Variants in SOHLH1 observed in about 807,000 individuals in gnomAD.
The protein encoded by SOHLH1 is spermatogenesis- and oogenesis-specific basic helix-loop-helix-containing protein 1.
A neutral mutation model predicts 36.2 loss-of-function variants in SOHLH1; 23 were observed. The observed-to-expected ratio is 0.64, with a 90% confidence interval of 0.46 to 0.90. SOHLH1 has a LOEUF of 0.90. Among genes scored for constraint, SOHLH1 ranks in the 40% least tolerant of loss-of-function variants. The pLI, the probability that SOHLH1 is intolerant of heterozygous loss-of-function variation, is 0.00. For missense variants in SOHLH1, 608 were observed against 517.0 expected (o/e 1.18, Z -1.71); for synonymous variants, 289 against 228.3 (o/e 1.27, Z -2.40).
intron 6 of SOHLH1, 140 bp from the exon 7 acceptor site, chr9:135,694,597 C>G: frequency 7.9e-7 from 1 of 1,270,446 alleles, no homozygotes. Context: ...TCCACCCTGC[C>G]CAGCGGGGAG....
rs759658468 is a variant in SOHLH1, at chr9:135,694,464, G to A, written c.876-7C>T. On this transcript the variant is annotated splice_polypyrimidine_tract_variant and splice_region_variant and intron_variant, in intron 6 of 7. Coordinates refer to ENST00000425225, the MANE Select transcript of SOHLH1 (RefSeq NM_001101677.2). ...ATCAGACCCCAACGCAGACCTGGAA[G>A]CGACAAGCTCTTCCTCAGTGGCCAC... The A allele has an allele frequency of 6.2e-7, 1 of 1,612,348 alleles. No homozygotes were observed. Among genetic ancestry groups the A allele is most frequent in the Non-Finnish European group, 8.5e-7 (1 of 1,179,900 alleles).
At chr9:135,698,031 G>A (rs1299711182) in intron 3 of SOHLH1, among the ~76,000 whole-genome samples, 1 of 152,108 alleles carries the variant, frequency 6.6e-6, no homozygotes, top group African/African-American at 2.4e-5. Context: ...GGAGGATCAG[G>A]AGACCCCAAC....
At position 135,696,781 on chromosome 9, in the gene SOHLH1, C is replaced by T; in HGVS notation, c.492G>A (p.Leu164=). The T allele has an allele frequency of 2.5e-6, 4 of 1,613,064 alleles. No individual in the cohort carries two copies. In the South Asian group the frequency reaches 3.3e-5, roughly 13 times the overall value. The change falls in exon 5 of 8, where the codon CTG becomes CTA. Residue 164 remains leucine (L), a synonymous_variant. Coordinates refer to ENST00000425225, the MANE Select transcript of SOHLH1 (RefSeq NM_001101677.2). ...GTRTPDVKAF[L]ESPWSLDPAS... ...CTGGATCCAGGGACCAAGGACTTTC[C>T]AGAAACGCCTTCACATCTGGGGTTC...
chr9:135,701,714 G>A (rs1025588002), upstream of SOHLH1, among the ~76,000 whole-genome samples: 3 of 152,006 alleles, frequency 2.0e-5, no homozygotes, highest in Non-Finnish European at 2.9e-5. Context: ...CCTGCGGGGG[G>A]TGTGGGGGCG....
chr9:135,695,776 G>C (rs1834767579), intron 5 of SOHLH1, among the ~76,000 whole-genome samples: 1 of 152,144 alleles, frequency 6.6e-6, no homozygotes, highest in Admixed American at 6.5e-5. Context: ...GGGCCGAGGG[G>C]AGTTCGGTCA....
At position 135,699,168 on chromosome 9, in the gene SOHLH1, A is replaced by G. The variant is rs1170318618; in HGVS notation, c.66-42T>C. 4.5e-6 allele frequency: 7 copies of G among 1,559,228 alleles called. No homozygotes were observed. In the South Asian group the frequency reaches 8.1e-5, roughly 18 times the overall value. On this transcript the variant is annotated intron_variant, in intron 1 of 7. Transcript: ENST00000425225. ...GAGCACCGGGCCCTGAGAACCCCAG[A>G]AAAGGCCACCAGGAGTCCCAGATGC...
rs1162345149 is a variant in SOHLH1, at chr9:135,695,067, CA to C, written c.857del (p.Met286SerfsTer22). 1 of 1,596,964 alleles carries C rather than the reference CA, an allele frequency of 6.3e-7. No individual in the cohort carries two copies. The highest frequency in any genetic ancestry group is 1.7e-5 in the Admixed American group (1 of 58,702). The stretch of plus-strand genomic sequence containing the variant: ...GCACTCACCCGGCCTCCTGCGCCAG[CA>C]TGGGGTCCTCCTTGGCTGGCTCCCC... Reference protein sequence around the residue: ...PLGEPAKEDPMLAQEAGSALG... With the variant: ...PLGEPAKEDPXLAQEAGSALG... On this transcript the variant is annotated frameshift_variant, in exon 6 of 8. Coordinates refer to ENST00000425225, the MANE Select transcript of SOHLH1 (RefSeq NM_001101677.2). LOFTEE classifies it high-confidence loss of function.
chr9:135,699,182 A>C, intron 1 of SOHLH1, 56 bp from the exon 2 acceptor site: 1 of 1,551,420 alleles, frequency 6.4e-7, no homozygotes, highest in Non-Finnish European at 8.7e-7. Context: ...GGCCACCAGG[A>C]GTCCCAGATG....
chr9:135,698,299 G>C (rs750909614), intron 3 of SOHLH1, 30 bp downstream of exon 3: 2 of 1,612,664 alleles, frequency 1.2e-6, no homozygotes, highest in Admixed American at 3.3e-5. Flanking sequence ...TGATGCCGGA[G>C]GACTGACGGC....
chr9:135,698,411 T>A lies in SOHLH1; in HGVS notation c.263A>T (p.Glu88Val). 1 of 1,613,094 alleles carries A rather than the reference T, an allele frequency of 6.2e-7. No individual in the cohort carries two copies. The highest frequency in any genetic ancestry group is 8.5e-7 in the Non-Finnish European group (1 of 1,180,020). ...CATCTCCAGGACCGAGGCCATGTCCTCCCGCCGGCCATCGAACTGGGGCAG... is the reference window on the plus strand; with the variant it reads ...CATCTCCAGGACCGAGGCCATGTCCACCCGCCGGCCATCGAACTGGGGCAG... The part of the protein sequence containing the change: ...ALLPQFDGRR[E>V]DMASVLEMSV... Residue 88 changes from glutamate to valine, a missense_variant, in exon 3 of 8, where the codon GAG becomes GTG. Coordinates refer to ENST00000425225, the MANE Select transcript of SOHLH1 (RefSeq NM_001101677.2).
At chr9:135,701,711 G>A (rs1457249331), upstream of SOHLH1, among the ~76,000 whole-genome samples, 2 of 152,198 alleles carry the variant, frequency 1.3e-5, no homozygotes, top group African/African-American at 4.8e-5. Flanking sequence ...CAGCCTGCGG[G>A]GGGTGTGGGG....
Position 135,696,639 on chromosome 9 carries a change from C to G in SOHLH1, c.634G>C (p.Val212Leu). The change falls in exon 5 of 8, where the codon GTG (valine) becomes CTG (leucine). Residue 212 changes from valine to leucine, a missense_variant. Physicochemically the swap from Val to Leu is conservative, Grantham distance 32 (BLOSUM62 1). Coordinates refer to ENST00000425225, the MANE Select transcript of SOHLH1 (RefSeq NM_001101677.2). ...GAGAAAGGGGGCAGCCCACCCCGCA[C>G]CTGGCACAGCCCCAACAGTGCCTCA... Reference protein sequence around the residue: ...KCEALLGLCQVRGGLPPFSEP... With the variant: ...KCEALLGLCQLRGGLPPFSEP... 1 of 1,612,664 alleles carries G rather than the reference C, an allele frequency of 6.2e-7. No homozygotes were observed.
At chr9:135,695,932 G>A (rs1234222798) in intron 5 of SOHLH1, among the ~76,000 whole-genome samples, 1 of 146,786 alleles carries the variant, frequency 6.8e-6, no homozygotes, top group Non-Finnish European at 1.5e-5. Flanking sequence ...GCCATGGCCA[G>A]GCAGCATAGG....
intron 2 of SOHLH1, 97 bp downstream of exon 2, chr9:135,698,898 C>T: frequency 6.4e-7 from 1 of 1,573,804 alleles, no homozygotes; most frequent in South Asian, 1.1e-5. Flanking sequence ...CCACGAGCCC[C>T]TCCCAGCTGC....
At position 135,693,478 on chromosome 9, in the gene SOHLH1, C is replaced by T. The variant is rs1834670237; in HGVS notation, c.*119G>A. 3.0e-6 allele frequency: 4 copies of T among 1,343,400 alleles called. No homozygotes were observed. Among genetic ancestry groups the T allele is most frequent in the African/African-American group, 1.5e-5 (1 of 68,066 alleles). The allele number at this position is 1,343,400 out of a possible 1,614,324, so 83.2% of individuals were successfully genotyped here. On this transcript the variant is annotated 3_prime_UTR_variant, in exon 8 of 8. Coordinates refer to ENST00000425225, the MANE Select transcript of SOHLH1 (RefSeq NM_001101677.2). ...TCCTCTTCTCACAGCCTGTAAGCCT[C>T]GCTCAAATTAGGGTGCAGCTGCAAC...
In SOHLH1 at chr9:135,696,845, C is replaced by T. The variant is rs755770452; in HGVS notation, c.468-40G>A. 8 of 1,607,882 alleles carry T rather than the reference C, an allele frequency of 5.0e-6. No individual in the cohort carries two copies. In the South Asian group the frequency reaches 8.9e-5, roughly 18 times the overall value. On this transcript the variant is annotated intron_variant, in intron 4 of 7. Transcript: ENST00000425225. ...ATGACAAGGATCCTGGGTCTATTCC[C>T]CAGCCCCCTGGAAGGCTGCCCCCAC...
intron 7 of SOHLH1, 171 bp downstream of exon 7, chr9:135,694,216 A>T: frequency 6.8e-7 from 1 of 1,461,516 alleles, no homozygotes; most frequent in Non-Finnish European, 9.0e-7. Flanking sequence ...ATCACCTATA[A>T]CGCTCAATAC....
Position 135,695,163 on chromosome 9 carries a change from G to T in SOHLH1, c.762C>A (p.Pro254=). 2 of 1,603,142 alleles carry T rather than the reference G, an allele frequency of 1.2e-6. No individual in the cohort carries two copies. Among genetic ancestry groups the T allele is most frequent in the South Asian group, 1.1e-5 (1 of 88,946 alleles). ...AGCCAAGGGCCTCCCCGCTCATCAC[G>T]GGCAAGGTCTGCTGCTGCGAGAACG... is the stretch of plus-strand genomic sequence containing the variant. ...WPPFSQQQTL[P]VMSGEALGWL... is the part of the protein sequence containing the mutation. The change falls in exon 6 of 8, where the codon CCC becomes CCA. Residue 254 remains proline (P), a synonymous_variant. Coordinates refer to ENST00000425225, the MANE Select transcript of SOHLH1 (RefSeq NM_001101677.2).
At chr9:135,694,256 G>T in intron 7 of SOHLH1, 131 bp downstream of exon 7, 1 of 1,533,722 alleles carries the variant, frequency 6.5e-7, no homozygotes, top group African/African-American at 1.4e-5. Context: ...AAGCACCAAC[G>T]GTGGAGAAAA....
Sources: allele counts gnomAD v4.1 joint callset (sites outside exome capture counted in the v4.1 genomes callset), GRCh38; gene constraint gnomAD v4.1.1; transcripts MANE v1.5; gene names NCBI Gene and HGNC (gene_info 2026-07-23, HGNC 2026-07-21).